NRG2: variants seen among roughly 807,000 people sequenced by gnomAD.
NRG2 encodes pro-neuregulin-2, membrane-bound isoform.
In NRG2, 27 loss-of-function variants were observed where a neutral mutation model predicts 73.9. That is an observed-to-expected ratio of 0.37 (90% confidence interval 0.27 to 0.50). The LOEUF (loss-of-function observed/expected upper bound fraction) is 0.50, where lower values mean the gene tolerates loss of function less well. Among genes scored for constraint, NRG2 ranks in the 20% least tolerant of loss-of-function variants. The pLI, the probability that NRG2 is intolerant of heterozygous loss-of-function variation, is 0.96. For missense variants in NRG2, 1,126 were observed against 1,210.1 expected (o/e 0.93, Z 1.03); for synonymous variants, 532 against 541.0 (o/e 0.98, Z 0.23).
chr5:140,006,468 A>C (rs1758908894), intron 1 of NRG2, among the ~76,000 whole-genome samples: 1 of 152,238 alleles, frequency 6.6e-6, no homozygotes, highest in Non-Finnish European at 1.5e-5. Flanking sequence ...AGGATATCAG[A>C]GATGCACACA....
chr5:139,909,946 G>A (rs433187), intron 1 of NRG2, among the ~76,000 whole-genome samples: 8,225 of 152,228 alleles, frequency 0.054, 700 homozygotes, highest in African/African-American at 0.18. Flanking sequence ...CCTGTAAGCC[G>A]CAATGGGTTT....
chr5:140,024,408 CTAGA>C, intron 1 of NRG2, among the ~76,000 whole-genome samples: 1 of 152,178 alleles, frequency 6.6e-6, no homozygotes, highest in Non-Finnish European at 1.5e-5. Flanking sequence ...GCGCCCGCCA[CTAGA>C]CCCGGCTAAG....
chr5:139,887,204 G>A lies in NRG2; in HGVS notation c.872+136C>T, dbSNP rs908771261. 5.0e-6 allele frequency: 5 copies of A among 991,420 alleles called. No individual in the cohort carries two copies. Among genetic ancestry groups the A allele is most frequent in the Non-Finnish European group, 6.1e-6 (4 of 653,848 alleles). 61.4% of individuals were successfully genotyped at this position (991,420 alleles called of 1,614,324 possible). A position where few individuals can be genotyped will look rare whatever the true frequency, so the allele number is the denominator to read the frequency against. On this transcript the variant is annotated intron_variant, in intron 2 of 9. Coordinates refer to ENST00000361474, the MANE Select transcript of NRG2 (RefSeq NM_004883.3). This position sits in a 1 kb window ranked among gnomAD's most constrained non-coding sequence, Gnocchi z 4.5. The stretch of plus-strand genomic sequence containing the variant: ...AGGCTGGGAGTGGCAAGGAAGGGGA[G>A]TATGGAGAGGGGCTGGGACTGGTTC...
intron 1 of NRG2, among the ~76,000 whole-genome samples, chr5:139,942,841 C>T (rs1406052668): frequency 6.6e-6 from 1 of 152,130 alleles, no homozygotes; most frequent in African/African-American, 2.4e-5. Flanking sequence ...AGCCTGATTT[C>T]CACTATTTAT....
chr5:139,856,712 C>T lies in NRG2; in HGVS notation c.1190-934G>A, dbSNP rs1262714569. Among the ~76,000 whole-genome samples the T allele has an allele frequency of 6.6e-6, 1 of 152,148 alleles. No homozygotes were observed. The highest frequency in any genetic ancestry group is 2.4e-5 in the African/African-American group (1 of 41,422). On this transcript the variant is annotated intron_variant, in intron 5 of 9. Transcript: ENST00000361474. The surrounding 1 kb of genome is among the most constrained non-coding windows in gnomAD (Gnocchi z 4.2). ...CAAAGGTGTACACACCAGGAAACAC[C>T]CAGGGCTACAAACCCTCCAGACACA...
Position 140,042,751 on chromosome 5 carries a change from C to G in NRG2, c.319G>C (p.Gly107Arg). 6.4e-7 allele frequency: 1 copy of G among 1,556,118 alleles called. No homozygotes were observed. Among genetic ancestry groups the G allele is most frequent in the Non-Finnish European group, 8.7e-7 (1 of 1,151,660 alleles). ...GGCGAGTAGCAGGCGAGCGACACACCGAAGAGCAGCATGGAGAAGCCGGGG... is the reference window on the plus strand; with the variant it reads ...GGCGAGTAGCAGGCGAGCGACACACGGAAGAGCAGCATGGAGAAGCCGGGG... ...PAPGFSMLLF[G>R]VSLACYSPSL... The change falls in exon 1 of 10, where the codon GGT becomes CGT. Residue 107 changes from glycine (G) to arginine (R), a missense_variant. By Grantham distance (125) the Gly-to-Arg change is moderately radical. Transcript: ENST00000361474.
intron 1 of NRG2, among the ~76,000 whole-genome samples, chr5:139,898,242 G>A (rs1056435856): frequency 5.9e-5 from 9 of 152,244 alleles, no homozygotes; most frequent in Non-Finnish European, 7.3e-5. Flanking sequence ...TGAACAGCAG[G>A]TTCACAGGAA....
In NRG2 at chr5:139,936,784, T is replaced by A. The variant is rs551864026; in HGVS notation, c.701-49273A>T. Among the ~76,000 whole-genome samples, 21 of 152,318 alleles carry A rather than the reference T, an allele frequency of 1.4e-4. No homozygotes were observed. In the South Asian group the frequency reaches 2.3e-3, roughly 17 times the overall value. ...ATTAATTTCAGGAAATAAAGATTTTTAAAAATTTTTTAAATTTTCATTACT... is the reference window on the plus strand; with the variant it reads ...ATTAATTTCAGGAAATAAAGATTTTAAAAAATTTTTTAAATTTTCATTACT... On this transcript the variant is annotated intron_variant, in intron 1 of 9. Transcript: ENST00000361474.
intron 1 of NRG2, among the ~76,000 whole-genome samples, chr5:139,951,322 C>T (rs1383622315): frequency 6.6e-6 from 1 of 152,174 alleles, no homozygotes; most frequent in Non-Finnish European, 1.5e-5. Flanking sequence ...GGCTACTTAT[C>T]GAGAGGTAGG....
chr5:139,925,321 T>G (rs139623663), intron 1 of NRG2, among the ~76,000 whole-genome samples: 1 of 152,210 alleles, frequency 6.6e-6, no homozygotes, highest in Admixed American at 6.5e-5. Context: ...CTTCCGCTGC[T>G]CCTCAGCTTC....
At chr5:139,930,372 T>A (rs1752386581) in intron 1 of NRG2, among the ~76,000 whole-genome samples, 1 of 152,172 alleles carries the variant, frequency 6.6e-6, no homozygotes, top group Non-Finnish European at 1.5e-5. Context: ...ACAAGATGTA[T>A]CCTAAAGAAT....
At chr5:140,041,973 C>T (rs966148484) in intron 1 of NRG2, among the ~76,000 whole-genome samples, 4 of 152,084 alleles carry the variant, frequency 2.6e-5, no homozygotes, top group Admixed American at 6.5e-5. Flanking sequence ...ACGGCAGGCC[C>T]GCGGCAGCAG....
intron 1 of NRG2, among the ~76,000 whole-genome samples, chr5:139,900,081 C>T (rs2127165569): frequency 6.6e-6 from 1 of 152,276 alleles, no homozygotes. Flanking sequence ...TCTAAGAAGT[C>T]CCTTTTCTTT....
intron 1 of NRG2, among the ~76,000 whole-genome samples, chr5:139,960,500 G>A (rs751385417): frequency 6.6e-5 from 10 of 152,120 alleles, no homozygotes; most frequent in South Asian, 2.1e-4. Context: ...GGGCAACAGC[G>A]AGACTCCATC....
At position 139,848,212 on chromosome 5, in the gene NRG2, G is replaced by A. The variant is rs1335079719; in HGVS notation, c.2258C>T (p.Ala753Val). The A allele has an allele frequency of 1.6e-6, 2 of 1,245,500 alleles. No homozygotes were observed. The highest frequency in any genetic ancestry group is 1.6e-5 in the African/African-American group (1 of 63,178). The allele number at this position is 1,245,500 out of a possible 1,614,324, so 77.2% of individuals were successfully genotyped here. A position where few individuals can be genotyped will look rare whatever the true frequency, so the allele number is the denominator to read the frequency against. ...GTCCCTCGCCGCCCGTGCGCGCTGC[G>A]CCGCCAGCCCGTTGAGGCGCGAGCG... ...WRRSRLNGLA[A>V]QRARAARDSL... Residue 753 changes from alanine (A) to valine (V), a missense_variant, in exon 10 of 10, where the codon GCG becomes GTG. Around this residue, in one of 3 missense-constraint regions of NRG2, gnomAD observed 402 missense variants for 357.8 expected, o/e 1.12. Transcript: ENST00000361474.
intron 2 of NRG2, among the ~76,000 whole-genome samples, chr5:139,885,822 G>A (rs555971633): frequency 2.0e-5 from 3 of 152,178 alleles, no homozygotes; most frequent in Admixed American, 2.0e-4. Flanking sequence ...GAGCCATGAG[G>A]AGGGAAAGGG....
intron 2 of NRG2, among the ~76,000 whole-genome samples, chr5:139,881,249 G>C (rs1049263880): frequency 2.0e-5 from 3 of 152,208 alleles, no homozygotes; most frequent in Admixed American, 6.5e-5. Flanking sequence ...CGCTCTTCTA[G>C]GGCTGGACCA....
chr5:139,848,770 G>GGGT, intron 9 of NRG2, 73 bp from the exon 10 acceptor site: 4 of 159,406 alleles, frequency 2.5e-5, no homozygotes, highest in East Asian at 1.7e-4. Context: ...TGGGGGTGGG[G>GGGT]TAGGGTGGGA....
intron 1 of NRG2, among the ~76,000 whole-genome samples, chr5:139,962,606 A>G (rs1755160332): frequency 6.6e-6 from 1 of 152,118 alleles, no homozygotes; most frequent in Admixed American, 6.5e-5. Flanking sequence ...ATTTGCTCAG[A>G]CCGTCTTCAC....
Sources: allele counts gnomAD v4.1 joint callset (sites outside exome capture counted in the v4.1 genomes callset), GRCh38; gene constraint gnomAD v4.1.1; regional missense constraint gnomAD v4.1.1; non-coding constraint Gnocchi (gnomAD v3.1); transcripts MANE v1.5; gene names NCBI Gene and HGNC (gene_info 2026-07-23, HGNC 2026-07-21).